The following PTPRD variants were observed in gnomAD, a reference collection of about 807,000 sequenced individuals.
PTPRD encodes the protein protein tyrosine phosphatase receptor type D, also known as receptor-type tyrosine-protein phosphatase delta.
A neutral mutation model predicts 214.5 loss-of-function variants in PTPRD; 34 were observed. The ratio of observed to expected loss-of-function variants is 0.16; its 90% confidence interval spans 0.12 to 0.21. The LOEUF (loss-of-function observed/expected upper bound fraction) is 0.21, where lower values mean the gene tolerates loss of function less well. Among genes scored for constraint, PTPRD ranks in the 10% least tolerant of loss-of-function variants. The probability of loss-of-function intolerance (pLI) is 1.00; values close to 1 mark genes in which losing one functional copy is unlikely to be tolerated. For synonymous variants in PTPRD, 1,128 were observed against 845.7 expected (o/e 1.33, Z -5.79); for missense variants, 2,545 against 2,398.7 (o/e 1.06, Z -1.27).
chr9:8,317,990 A>ATATTT, intron 45 of PTPRD, 48 bp from the exon 46 acceptor site: 4 of 1,540,910 alleles, frequency 2.6e-6, no homozygotes, highest in Non-Finnish European at 3.6e-6. Context: ...GACCATGAGC[A>ATATTT]TATTTTAATA....
At chr9:9,306,628 A>C (rs1957245591) in intron 9 of PTPRD, among the ~76,000 whole-genome samples, 2 of 151,984 alleles carry the variant, frequency 1.3e-5, no homozygotes, top group African/African-American at 4.8e-5. Flanking sequence ...TATCCTCTGA[A>C]TATACTTGAG....
intron 3 of PTPRD, among the ~76,000 whole-genome samples, chr9:10,217,569 G>A (rs2099547087): frequency 6.6e-6 from 1 of 151,838 alleles, no homozygotes; most frequent in Admixed American, 6.6e-5. Context: ...ACTGTAGGAG[G>A]CCACCACCAG....
At chr9:10,286,806 G>C (rs1452502347) in intron 3 of PTPRD, among the ~76,000 whole-genome samples, 1 of 151,860 alleles carries the variant, frequency 6.6e-6, no homozygotes, top group Middle Eastern at 3.2e-3. Context: ...TCACTATGTT[G>C]GCCAGGCTGG....
intron 30 of PTPRD, among the ~76,000 whole-genome samples, chr9:8,477,815 A>C (rs1177584489): frequency 6.6e-6 from 1 of 152,190 alleles, no homozygotes; most frequent in Non-Finnish European, 1.5e-5. Context: ...CTAGGAAAAA[A>C]AAAAATTCTA....
rs1006983491 is a variant in PTPRD, at chr9:9,022,844, G to A, written c.-142-4109C>T. Among the ~76,000 whole-genome samples, 7 of 152,042 alleles carry A rather than the reference G, an allele frequency of 4.6e-5. No individual in the cohort carries two copies. In the East Asian group the frequency reaches 7.7e-4, roughly 17 times the overall value. Reference sequence around the variant, plus strand: ...CAAAAATGGTTGCTTTTACATATTCGTAGAGATCAGCCACAGAAACAGAGC... The same window carrying A: ...CAAAAATGGTTGCTTTTACATATTCATAGAGATCAGCCACAGAAACAGAGC... On this transcript the variant is annotated intron_variant, in intron 10 of 45. Transcript: ENST00000381196.
At chr9:8,628,633 C>T (rs1457337629) in intron 14 of PTPRD, among the ~76,000 whole-genome samples, 2 of 148,460 alleles carry the variant, frequency 1.3e-5, no homozygotes, top group African/African-American at 5.0e-5. Flanking sequence ...AAAAAAGAAA[C>T]AGAACAGAAC....
At chr9:9,615,095 C>A (rs1201860134) in intron 7 of PTPRD, among the ~76,000 whole-genome samples, 1 of 152,192 alleles carries the variant, frequency 6.6e-6, no homozygotes, top group South Asian at 2.1e-4. Flanking sequence ...CCAGCAGCCA[C>A]TGGCTCAATA....
intron 7 of PTPRD, among the ~76,000 whole-genome samples, chr9:9,681,811 C>G (rs551336618): frequency 6.6e-6 from 1 of 151,724 alleles, no homozygotes; most frequent in Non-Finnish European, 1.5e-5. Context: ...TGTTGACTTA[C>G]AAACAGAAAA....
intron 5 of PTPRD, among the ~76,000 whole-genome samples, chr9:9,817,925 A>C (rs2049310476): frequency 6.6e-6 from 1 of 152,184 alleles, no homozygotes; most frequent in African/African-American, 2.4e-5. Context: ...CCACCATTTT[A>C]AGGACTCCTA....
At chr9:10,303,509 C>A (rs1406686264) in intron 3 of PTPRD, among the ~76,000 whole-genome samples, 2 of 151,600 alleles carry the variant, frequency 1.3e-5, no homozygotes, top group African/African-American at 4.8e-5. Flanking sequence ...AATAGATAGA[C>A]CACTAGACAG....
chr9:8,583,060 C>T (rs2093324425), intron 14 of PTPRD, among the ~76,000 whole-genome samples: 1 of 152,144 alleles, frequency 6.6e-6, no homozygotes, highest in Non-Finnish European at 1.5e-5. Context: ...GGTCCCCAAC[C>T]GTTTTGGCCA....
intron 8 of PTPRD, among the ~76,000 whole-genome samples, chr9:9,484,007 A>G (rs1007760040): frequency 4.6e-5 from 7 of 151,952 alleles, no homozygotes; most frequent in Non-Finnish European, 7.4e-5. Flanking sequence ...GTATTTTACT[A>G]TCTTCTATAG....
chr9:10,212,314 T>C (rs887989070), intron 3 of PTPRD, among the ~76,000 whole-genome samples: 50 of 152,136 alleles, frequency 3.3e-4, no homozygotes, highest in African/African-American at 1.2e-3. Flanking sequence ...GGCATCTTAA[T>C]TTATCATTTG....
chr9:9,822,985 A>T (rs1169054154), intron 5 of PTPRD, among the ~76,000 whole-genome samples: 1 of 152,154 alleles, frequency 6.6e-6, no homozygotes, highest in East Asian at 1.9e-4. Context: ...CAAAAGAAAG[A>T]AAATCAGTAT....
chr9:8,597,827 C>G (rs941183453), intron 14 of PTPRD, among the ~76,000 whole-genome samples: 1 of 152,126 alleles, frequency 6.6e-6, no homozygotes, highest in Admixed American at 6.5e-5. Context: ...TTTCACTCTT[C>G]ATTAACCTCC....
intron 44 of PTPRD, 64 bp from the exon 45 acceptor site, chr9:8,320,030 G>A (rs1825785875): frequency 2.5e-6 from 4 of 1,568,766 alleles, no homozygotes; most frequent in Non-Finnish European, 3.4e-6. Flanking sequence ...ACATTTGCTT[G>A]GGTGTGGACA....
intron 11 of PTPRD, among the ~76,000 whole-genome samples, chr9:8,794,947 G>C (rs1022300836): frequency 6.6e-6 from 1 of 151,032 alleles, no homozygotes; most frequent in South Asian, 2.1e-4. Flanking sequence ...CAATTTTTTT[G>C]TACTGCTGAT....
chr9:9,579,569 C>T (rs148838289), intron 7 of PTPRD, among the ~76,000 whole-genome samples: 3,082 of 152,062 alleles, frequency 0.02, 51 homozygotes, highest in Middle Eastern at 0.034. Context: ...TCTTTTTTCC[C>T]TAATCCTCCC....
intron 4 of PTPRD, among the ~76,000 whole-genome samples, chr9:9,952,000 T>C (rs968357548): frequency 2.0e-5 from 3 of 152,182 alleles, no homozygotes; most frequent in Non-Finnish European, 4.4e-5. Flanking sequence ...CACACAATTA[T>C]GGCCTACAGG....
Sources: allele counts gnomAD v4.1 joint callset (sites outside exome capture counted in the v4.1 genomes callset), GRCh38; gene constraint gnomAD v4.1.1; transcripts MANE v1.5; gene names NCBI Gene and HGNC (gene_info 2026-07-23, HGNC 2026-07-21).